Variants in BAZ2B observed in about 807,000 individuals in gnomAD.
The protein encoded by BAZ2B is bromodomain adjacent to zinc finger domain protein 2B.
BAZ2B carries 91 observed loss-of-function variants against 246.0 expected under a neutral mutation model. The observed-to-expected ratio is 0.37, with a 90% CI of 0.31 to 0.44. BAZ2B has a LOEUF of 0.44. BAZ2B is among the 20% of genes least tolerant of loss of function. The pLI is 1.00. For missense variants in BAZ2B, 2,332 were observed against 2,533.7 expected (o/e 0.92, Z 1.71); for synonymous variants, 855 against 860.0 (o/e 0.99, Z 0.10).
intron 2 of BAZ2B, among the ~76,000 whole-genome samples, chr2:159,502,589 G>A (rs778143953): frequency 6.6e-6 from 1 of 152,050 alleles, no homozygotes; most frequent in African/African-American, 2.4e-5. Context: ...AGCTGTGATC[G>A]TGACACTGTA....
chr2:159,566,383 C>T (rs576259593), intron 1 of BAZ2B, among the ~76,000 whole-genome samples: 2 of 152,290 alleles, frequency 1.3e-5, no homozygotes, highest in South Asian at 4.1e-4. Context: ...AGTGTAAAAA[C>T]GTCATGTACA....
chr2:159,490,780 T>C (rs549157781), intron 2 of BAZ2B, among the ~76,000 whole-genome samples: 1 of 152,272 alleles, frequency 6.6e-6, no homozygotes, highest in South Asian at 2.1e-4. Context: ...ATAAATGCTA[T>C]AGACACATAA....
rs139584748 is a variant in BAZ2B, at chr2:159,339,062, T to A, written c.5455-1290A>T. Among the ~76,000 whole-genome samples the A allele has an allele frequency of 4.8e-3, 727 of 152,214 alleles. 3 individuals carry two copies. The highest frequency in any genetic ancestry group is 0.017 in the African/African-American group (698 of 41,516). On this transcript the variant is annotated intron_variant, in intron 31 of 36. Transcript: ENST00000392783. Reference sequence around the variant, plus strand: ...ATGAAAAATGGAATAAACTTAAACATCTCTTTAGATATAATTATTTTATCT... The same window carrying A: ...ATGAAAAATGGAATAAACTTAAACAACTCTTTAGATATAATTATTTTATCT...
intron 13 of BAZ2B, among the ~76,000 whole-genome samples, chr2:159,419,373 A>G (rs560588245): frequency 1.3e-5 from 2 of 152,186 alleles, no homozygotes; most frequent in Non-Finnish European, 2.9e-5. Context: ...CATGAGAAAA[A>G]AATCAAAATT....
At chr2:159,640,901 G>A in the BAZ2B span, among the ~76,000 whole-genome samples, 1 of 148,820 alleles carries the variant, frequency 6.7e-6, no homozygotes, top group Non-Finnish European at 1.5e-5. Context: ...AAAGCTCAGA[G>A]AAGAAATAAA....
chr2:159,559,330 T>G (rs1334051420), intron 1 of BAZ2B, among the ~76,000 whole-genome samples: 1 of 152,088 alleles, frequency 6.6e-6, no homozygotes, highest in African/African-American at 2.4e-5. Flanking sequence ...CTGCCTAACA[T>G]TAAGCTCTCA....
intron 2 of BAZ2B, among the ~76,000 whole-genome samples, chr2:159,489,831 T>G (rs74316936): frequency 6.6e-6 from 1 of 152,094 alleles, no homozygotes; most frequent in Non-Finnish European, 1.5e-5. Flanking sequence ...GAGGACTGCT[T>G]AAGCCCAGGA....
intron 21 of BAZ2B, among the ~76,000 whole-genome samples, chr2:159,388,947 G>A (rs1357930869): frequency 6.6e-6 from 1 of 152,062 alleles, no homozygotes; most frequent in East Asian, 1.9e-4. Flanking sequence ...AGGCATGGTG[G>A]CAAGCGCCTG....
At chr2:159,569,054 T>C (rs1455853661) in intron 1 of BAZ2B, among the ~76,000 whole-genome samples, 5 of 152,150 alleles carry the variant, frequency 3.3e-5, no homozygotes, top group African/African-American at 7.2e-5. Flanking sequence ...TAACAGTTAA[T>C]AGATGTGATC....
chr2:159,503,738 C>T (rs924254313), intron 2 of BAZ2B, among the ~76,000 whole-genome samples: 2 of 152,060 alleles, frequency 1.3e-5, no homozygotes, highest in East Asian at 1.9e-4. Flanking sequence ...TCCCACCACG[C>T]CCGGCTAATT....
At chr2:159,357,260 C>A (rs1206392099) in intron 27 of BAZ2B, among the ~76,000 whole-genome samples, 1 of 151,812 alleles carries the variant, frequency 6.6e-6, no homozygotes, top group African/African-American at 2.4e-5. Flanking sequence ...ACTAGAATAA[C>A]CAGTTTACAG....
chr2:159,448,737 C>T (rs2074610671), intron 4 of BAZ2B, among the ~76,000 whole-genome samples: 1 of 152,188 alleles, frequency 6.6e-6, no homozygotes, highest in African/African-American at 2.4e-5. Flanking sequence ...TGACTTATCC[C>T]ATAACTTTTC....
At chr2:159,336,847 G>T in intron 33 of BAZ2B, 95 bp downstream of exon 33, 4 of 1,097,634 alleles carry the variant, frequency 3.6e-6, no homozygotes, top group South Asian at 2.0e-5. Context: ...ACATTATTAT[G>T]ACAATAGGTA....
intron 20 of BAZ2B, among the ~76,000 whole-genome samples, chr2:159,390,592 C>G (rs140295263): frequency 0.014 from 2,131 of 152,114 alleles, 36 homozygotes; most frequent in Middle Eastern, 0.071. Context: ...AAGCAAGCAC[C>G]CTGACTGCTG....
the BAZ2B span, chr2:159,694,949 G>C: frequency 6.6e-6 from 1 of 152,160 alleles, no homozygotes; most frequent in African/African-American, 2.4e-5. Context: ...AATATATGCA[G>C]GTACCAACTT....
At chr2:159,695,733 A>T in the BAZ2B span, among the ~76,000 whole-genome samples, 1 of 151,896 alleles carries the variant, frequency 6.6e-6, no homozygotes, top group South Asian at 2.1e-4. Context: ...TATTCCATTG[A>T]TCTATATATC....
the BAZ2B span, among the ~76,000 whole-genome samples, chr2:159,708,721 T>A: frequency 6.6e-6 from 1 of 152,062 alleles, no homozygotes; most frequent in Admixed American, 6.6e-5. Flanking sequence ...ATTATAGGCA[T>A]GCACCAATGC....
intron 13 of BAZ2B, among the ~76,000 whole-genome samples, chr2:159,422,068 A>C (rs1437151166): frequency 6.6e-6 from 1 of 152,228 alleles, no homozygotes; most frequent in Non-Finnish European, 1.5e-5. Context: ...CAAAAATTAC[A>C]AAACACTGCT....
At chr2:159,633,821 A>C in the BAZ2B span, among the ~76,000 whole-genome samples, 1 of 149,300 alleles carries the variant, frequency 6.7e-6, no homozygotes, top group Admixed American at 6.8e-5. Context: ...GCTCACTGCA[A>C]CTCTGCTTCC....
Sources: allele counts gnomAD v4.1 joint callset (sites outside exome capture counted in the v4.1 genomes callset), GRCh38; gene constraint gnomAD v4.1.1; transcripts MANE v1.5; gene names NCBI Gene and HGNC (gene_info 2026-07-23, HGNC 2026-07-21).